DCX: variants seen among roughly 807,000 people sequenced by gnomAD.
DCX encodes neuronal migration protein doublecortin.
Under a neutral mutation model 20.9 loss-of-function variants are expected in DCX, and 4 were observed. The observed-to-expected ratio is 0.19, with a 90% CI of 0.09 to 0.44. The LOEUF (loss-of-function observed/expected upper bound fraction) is 0.44, where lower values mean the gene tolerates loss of function less well. Ranked by LOEUF, DCX falls within the 20% of genes least tolerant of loss-of-function variation. The pLI, the probability that DCX is intolerant of heterozygous loss-of-function variation, is 0.99. For missense variants in DCX, 133 were observed against 296.9 expected (o/e 0.45, Z 4.06); for synonymous variants, 103 against 111.4 (o/e 0.92, Z 0.47).
intron 3 of DCX, among the ~76,000 whole-genome samples, chrX:111,344,908 G>T (rs1269069489): frequency 8.9e-6 from 1 of 111,898 alleles, no homozygotes; most frequent in Admixed American, 9.5e-5. Flanking sequence ...ATTTCATATG[G>T]AATCAAAGAA....
In DCX at chrX:111,343,170, C is replaced by G. The variant is rs572377700; in HGVS notation, c.706-10017G>C. On this transcript the variant is annotated intron_variant, in intron 3 of 6. Transcript: ENST00000636035. Reference sequence around the variant, plus strand: ...TTTTTTAATTAACAAAATAGATAAACAGCTAGCTAGCCTAATAAAAAGAAA... The same window carrying G: ...TTTTTTAATTAACAAAATAGATAAAGAGCTAGCTAGCCTAATAAAAAGAAA... 2.0e-4 allele frequency among the ~76,000 whole-genome samples: 19 copies of G among 96,257 alleles called. No homozygotes were observed. In the South Asian group the frequency reaches 9.7e-3, roughly 49 times the overall value. 83.6% of individuals were successfully genotyped at this position (96,257 alleles called of 115,157 possible). A position where few individuals can be genotyped will look rare whatever the true frequency, so the allele number is the denominator to read the frequency against.
chrX:111,376,449 G>A (rs1202119163), intron 3 of DCX, among the ~76,000 whole-genome samples: 1 of 111,939 alleles, frequency 8.9e-6, no homozygotes, highest in Non-Finnish European at 1.9e-5. Context: ...AGCCCAAAAA[G>A]AACTAATTAT....
intron 3 of DCX, among the ~76,000 whole-genome samples, chrX:111,367,181 T>A (rs1924689180): frequency 8.9e-6 from 1 of 111,909 alleles, no homozygotes; most frequent in Non-Finnish European, 1.9e-5. Context: ...GGTTCTTTAC[T>A]CTCTGGTGCC....
intron 3 of DCX, among the ~76,000 whole-genome samples, chrX:111,346,465 T>A (rs1321620521): frequency 8.9e-6 from 1 of 112,585 alleles, no homozygotes; most frequent in Non-Finnish European, 1.9e-5. Flanking sequence ...AGGACAAAGA[T>A]TGTGTGATTC....
At chrX:111,353,155 G>T in intron 3 of DCX, among the ~76,000 whole-genome samples, 1 of 111,580 alleles carries the variant, frequency 9.0e-6, no homozygotes, top group Admixed American at 9.5e-5. Context: ...AGAACCAACT[G>T]CTGTTTTTCA....
chrX:111,320,941 T>C (rs2095085185), intron 5 of DCX, among the ~76,000 whole-genome samples: 1 of 110,480 alleles, frequency 9.1e-6, no homozygotes. Flanking sequence ...GCCTATATGG[T>C]TTTTTTGTTT....
intron 3 of DCX, among the ~76,000 whole-genome samples, chrX:111,333,529 G>T (rs1921454757): frequency 9.0e-6 from 1 of 111,706 alleles, no homozygotes; most frequent in Non-Finnish European, 1.9e-5. Flanking sequence ...CAAGGGACTG[G>T]GCCAAGGAAG....
intron 2 of DCX, among the ~76,000 whole-genome samples, chrX:111,408,486 G>A (rs1406056152): frequency 9.1e-6 from 1 of 109,977 alleles, no homozygotes; most frequent in Non-Finnish European, 1.9e-5. Flanking sequence ...CAGGCATGGT[G>A]GCACATGCCT....
intron 3 of DCX, among the ~76,000 whole-genome samples, chrX:111,367,609 T>G (rs768564156): frequency 8.9e-6 from 1 of 111,934 alleles, no homozygotes; most frequent in Middle Eastern, 4.6e-3. Context: ...CTTTCTATAG[T>G]CCTTCCTTTG....
chrX:111,369,691 G>A lies in DCX; in HGVS notation c.705+31299C>T, dbSNP rs752763962. 2.0e-3 allele frequency among the ~76,000 whole-genome samples: 226 copies of A among 111,650 alleles called. 1 individual carries two copies. The highest frequency in any genetic ancestry group is 6.8e-3 in the African/African-American group (209 of 30,772). Reference sequence around the variant, plus strand: ...ATATTTCCAAGAGTCAAAGGTAGTGGGCAGAGATACATTGACAACAGATTA... The same window carrying A: ...ATATTTCCAAGAGTCAAAGGTAGTGAGCAGAGATACATTGACAACAGATTA... On this transcript the variant is annotated intron_variant, in intron 3 of 6. Coordinates refer to ENST00000636035, the MANE Select transcript of DCX (RefSeq NM_001195553.2).
rs1386312476 is a variant in DCX at position 111,297,850 on chromosome X, G to A, written c.*3837C>T. ...TTTTGGTGCAAACACAGGAGCCAAT[G>A]TTTAACATCAGCCAGGGTACATTTT... is the stretch of plus-strand genomic sequence containing the variant. On this transcript the variant is annotated 3_prime_UTR_variant, in exon 7 of 7. Transcript: ENST00000636035. 2.7e-5 allele frequency: 3 copies of A among 111,602 alleles called. No homozygotes were observed. Among genetic ancestry groups the A allele is most frequent in the Admixed American group, 9.5e-5 (1 of 10,549 alleles). The allele number at this position is 111,602 out of a possible 1,213,427, so 9.2% of individuals were successfully genotyped here.
chrX:111,305,036 T>C (rs1006500330), intron 6 of DCX, among the ~76,000 whole-genome samples: 1 of 111,780 alleles, frequency 8.9e-6, no homozygotes, highest in African/African-American at 3.3e-5. Flanking sequence ...GCTGGGAGTC[T>C]TACTGGATCA....
At chrX:111,348,294 AG>A (rs769519974) in intron 3 of DCX, among the ~76,000 whole-genome samples, 8 of 112,332 alleles carry the variant, frequency 7.1e-5, no homozygotes, top group Admixed American at 2.8e-4. Flanking sequence ...ATGGGAAAGA[AG>A]GGCACAGAGG....
At chrX:111,303,965 T>C (rs1188099817) in intron 6 of DCX, among the ~76,000 whole-genome samples, 1 of 112,109 alleles carries the variant, frequency 8.9e-6, no homozygotes, top group Non-Finnish European at 1.9e-5. Context: ...AAAAAACATA[T>C]TTTAGATGGG....
At chrX:111,364,422 G>A (rs760349255) in intron 3 of DCX, among the ~76,000 whole-genome samples, 8 of 112,168 alleles carry the variant, frequency 7.1e-5, no homozygotes, top group Non-Finnish European at 1.1e-4. Flanking sequence ...TCAACTATCC[G>A]ATTGGCAAAT....
rs1006127148 is a variant in DCX at position 111,296,464 on chromosome X, T to A, written c.*5223A>T. 6.3e-5 allele frequency: 7 copies of A among 111,505 alleles called. No individual in the cohort carries two copies. Among genetic ancestry groups the A allele is most frequent in the Non-Finnish European group, 1.1e-4 (6 of 53,121 alleles). The allele number at this position is 111,505 out of a possible 1,213,427, so 9.2% of individuals were successfully genotyped here. The stretch of plus-strand genomic sequence containing the variant: ...AATAAACCAAGGGATAAAAAATTAG[T>A]CTTGTCAGCTGGGCATGGTGGCTCA... On this transcript the variant is annotated 3_prime_UTR_variant, in exon 7 of 7. Transcript: ENST00000636035.
intron 3 of DCX, among the ~76,000 whole-genome samples, chrX:111,357,714 C>T (rs904087114): frequency 1.8e-5 from 2 of 108,862 alleles, no homozygotes; most frequent in African/African-American, 3.4e-5. Context: ...CCCAGGATGT[C>T]GAGACTGCAG....
chrX:111,332,462 G>A (rs1328169230), intron 4 of DCX, among the ~76,000 whole-genome samples: 5 of 111,606 alleles, frequency 4.5e-5, no homozygotes, highest in South Asian at 7.5e-4. Flanking sequence ...TTGTTGCTGC[G>A]TGAGCTAATT....
At chrX:111,364,432 T>A (rs1196741171) in intron 3 of DCX, among the ~76,000 whole-genome samples, 1 of 112,208 alleles carries the variant, frequency 8.9e-6, no homozygotes, top group East Asian at 2.8e-4. Context: ...GATTGGCAAA[T>A]GTGGAAAACA....
Sources: allele counts gnomAD v4.1 joint callset (sites outside exome capture counted in the v4.1 genomes callset), GRCh38; gene constraint gnomAD v4.1.1; transcripts MANE v1.5; gene names NCBI Gene and HGNC (gene_info 2026-07-23, HGNC 2026-07-21).